The following PAQR5 variants were observed in gnomAD, a reference collection of about 807,000 sequenced individuals.
PAQR5 encodes the protein membrane progestin receptor gamma.
PAQR5 carries 20 observed loss-of-function variants against 34.5 expected under a neutral mutation model. The observed-to-expected ratio is 0.58, with a 90% CI of 0.41 to 0.84. The LOEUF (loss-of-function observed/expected upper bound fraction) is 0.84, where lower values mean the gene tolerates loss of function less well. Ranked by LOEUF, PAQR5 falls within the 40% of genes least tolerant of loss-of-function variation. PAQR5 has a pLI of 0.00. For synonymous variants in PAQR5, 131 were observed against 155.6 expected (o/e 0.84, Z 1.18); for missense variants, 378 against 412.7 (o/e 0.92, Z 0.73).
intron 3 of PAQR5, among the ~76,000 whole-genome samples, chr15:69,367,803 G>A (rs2055441056): frequency 6.6e-6 from 1 of 152,200 alleles, no homozygotes; most frequent in African/African-American, 2.4e-5. Flanking sequence ...TGTGCAGAAG[G>A]AGAAGCTGCG....
At chr15:69,325,580 G>A (rs1304668858) in intron 1 of PAQR5, among the ~76,000 whole-genome samples, 1 of 123,402 alleles carries the variant, frequency 8.1e-6, no homozygotes, top group South Asian at 2.9e-4. Context: ...TTCAGGAAAT[G>A]TGTGCTGAAT....
intron 2 of PAQR5, among the ~76,000 whole-genome samples, chr15:69,351,133 A>G (rs1162294541): frequency 2.6e-5 from 4 of 152,224 alleles, no homozygotes; most frequent in Non-Finnish European, 4.4e-5. Context: ...AGGGAGGGCT[A>G]TTATGGTGGA....
At position 69,336,694 on chromosome 15, in the gene PAQR5, T is replaced by A. The variant is rs568924492; in HGVS notation, c.-276-647T>A. On this transcript the variant is annotated intron_variant, in intron 1 of 8. Coordinates refer to ENST00000395407, the MANE Select transcript of PAQR5 (RefSeq NM_017705.4). ...AATGCAGATTTCTGCTTAATAACTC[T>A]GGAGATTGTGACTTTAGAATAGACA... is the stretch of plus-strand genomic sequence containing the variant. Among the ~76,000 whole-genome samples, 6 of 152,318 alleles carry A rather than the reference T, an allele frequency of 3.9e-5. No homozygotes were observed. In the South Asian group the frequency reaches 1.2e-3, roughly 32 times the overall value.
At chr15:69,305,507 G>A (rs1020971116) in intron 1 of PAQR5, among the ~76,000 whole-genome samples, 14 of 152,112 alleles carry the variant, frequency 9.2e-5, no homozygotes, top group African/African-American at 3.1e-4. Context: ...CATAAGTCGG[G>A]GTGGGTGGGG....
intron 2 of PAQR5, among the ~76,000 whole-genome samples, chr15:69,352,341 A>G (rs1259825850): frequency 6.6e-6 from 1 of 152,226 alleles, no homozygotes; most frequent in Non-Finnish European, 1.5e-5. Context: ...ACTGAATGTT[A>G]TCTGATCCAC....
At chr15:69,399,160 T>G (rs1433984383) in intron 7 of PAQR5, among the ~76,000 whole-genome samples, 10 of 152,192 alleles carry the variant, frequency 6.6e-5, no homozygotes, top group Admixed American at 1.3e-4. Flanking sequence ...TCAGAAGGCC[T>G]TCCAGGGATT....
chr15:69,382,698 A>ATATATATGTATGTATG (rs1567032600), intron 4 of PAQR5, among the ~76,000 whole-genome samples: 4 of 83,924 alleles, frequency 4.8e-5, no homozygotes, highest in African/African-American at 1.8e-4. Context: ...ATATATATAT[A>ATATATATGTATGTATG]TATATATGTA....
chr15:69,341,616 C>T (rs2054646171), intron 2 of PAQR5, among the ~76,000 whole-genome samples: 1 of 152,056 alleles, frequency 6.6e-6, no homozygotes, highest in African/African-American at 2.4e-5. Flanking sequence ...TGGGCTTTCA[C>T]CTTTTGGTCA....
At chr15:69,352,493 C>T (rs2054946660) in intron 2 of PAQR5, among the ~76,000 whole-genome samples, 1 of 152,202 alleles carries the variant, frequency 6.6e-6, no homozygotes, top group South Asian at 2.1e-4. Context: ...TCTACTCCTG[C>T]TACTCTGCCT....
intron 6 of PAQR5, among the ~76,000 whole-genome samples, chr15:69,392,668 G>T (rs1027264634): frequency 6.6e-6 from 1 of 152,180 alleles, no homozygotes; most frequent in East Asian, 1.9e-4. Flanking sequence ...CATGATTTCC[G>T]TTAGAGTGTA....
intron 3 of PAQR5, among the ~76,000 whole-genome samples, chr15:69,369,540 TAA>T (rs753281505): frequency 2.0e-4 from 29 of 142,716 alleles, no homozygotes; most frequent in Admixed American, 2.1e-4. Context: ...TGCCTCAAGT[TAA>T]AAAAAAAAAA....
chr15:69,392,584 A>C (rs1459232092), intron 6 of PAQR5, among the ~76,000 whole-genome samples: 3 of 152,138 alleles, frequency 2.0e-5, no homozygotes, highest in Non-Finnish European at 4.4e-5. Flanking sequence ...TGCCAGAAGG[A>C]TGCCCTTGCC....
chr15:69,399,946 G>A (rs1345908091), intron 7 of PAQR5, 28 bp from the exon 8 acceptor site: 4 of 1,606,982 alleles, frequency 2.5e-6, no homozygotes, highest in Non-Finnish European at 2.6e-6. Flanking sequence ...GTCCTCTCAA[G>A]ACCTGATGTT....
chr15:69,315,212 C>T (rs935210093), intron 1 of PAQR5, among the ~76,000 whole-genome samples: 17 of 152,158 alleles, frequency 1.1e-4, no homozygotes, highest in African/African-American at 3.9e-4. Flanking sequence ...ACTGCAACTG[C>T]GTTCTCTGCC....
chr15:69,405,078 C>A lies in PAQR5; in HGVS notation c.*1256C>A. On this transcript the variant is annotated 3_prime_UTR_variant, in exon 9 of 9. Transcript: ENST00000395407. ...ATTTTATGTTCCAGCGTTTTCTACT[C>A]TGAATAGTTCTAAAACACTGAGCAT... 2.5e-6 allele frequency: 1 copy of A among 398,516 alleles called. No homozygotes were observed. Among genetic ancestry groups the A allele is most frequent in the East Asian group, 3.6e-5 (1 of 28,062 alleles). The allele number at this position is 398,516 out of a possible 1,614,324, so 24.7% of individuals were successfully genotyped here.
chr15:69,384,429 G>A (rs2056043608), intron 4 of PAQR5, among the ~76,000 whole-genome samples: 1 of 90,936 alleles, frequency 1.1e-5, no homozygotes, highest in East Asian at 3.5e-4. Context: ...CGTGTTCATG[G>A]TGGAGGGTGA....
intron 2 of PAQR5, among the ~76,000 whole-genome samples, chr15:69,346,013 A>G (rs1420934092): frequency 6.6e-6 from 1 of 152,210 alleles, no homozygotes; most frequent in Non-Finnish European, 1.5e-5. Flanking sequence ...AGAGCTTTAC[A>G]GTTATGTTTT....
At chr15:69,356,252 G>T (rs957484565) in intron 2 of PAQR5, among the ~76,000 whole-genome samples, 1 of 152,180 alleles carries the variant, frequency 6.6e-6, no homozygotes, top group Non-Finnish European at 1.5e-5. Flanking sequence ...CTGGACATTT[G>T]CCTCTTGTCC....
intron 1 of PAQR5, among the ~76,000 whole-genome samples, chr15:69,335,173 A>C: frequency 6.6e-6 from 1 of 151,878 alleles, no homozygotes; most frequent in East Asian, 1.9e-4. Context: ...GTAGTGAGTC[A>C]AGATTGTGCT....
Sources: gnomAD v4.1 joint callset for allele counts (sites outside exome capture counted in the v4.1 genomes callset) on GRCh38, gnomAD v4.1.1 for gene constraint, MANE v1.5 for transcripts, NCBI Gene and HGNC (gene_info 2026-07-23, HGNC 2026-07-21) for gene names.